Variants in DNAH12 observed in about 807,000 individuals in gnomAD.
The protein encoded by DNAH12 is axonemal beta dynein heavy chain 12.
In DNAH12, 285 loss-of-function variants were observed where a neutral mutation model predicts 371.5. That is an observed-to-expected ratio of 0.77 (90% confidence interval 0.70 to 0.85). DNAH12 has a LOEUF of 0.85. Ranked by LOEUF, DNAH12 falls within the 40% of genes least tolerant of loss-of-function variation. DNAH12 has a pLI of 0.00. For synonymous variants in DNAH12, 1,200 were observed against 1,213.0 expected (o/e 0.99, Z 0.22); for missense variants, 3,611 against 3,689.4 (o/e 0.98, Z 0.55).
intron 4 of DNAH12, among the ~76,000 whole-genome samples, chr3:57,513,950 T>C (rs2068089703): frequency 6.6e-6 from 1 of 152,188 alleles, no homozygotes; most frequent in African/African-American, 2.4e-5. Context: ...TATGAAAGCA[T>C]ACATATACAA....
chr3:57,530,012 A>G (rs1231128207), intron 2 of DNAH12, among the ~76,000 whole-genome samples: 7 of 152,176 alleles, frequency 4.6e-5, no homozygotes, highest in African/African-American at 1.7e-4. Flanking sequence ...TCAAAAGCAT[A>G]TTTTTTAATT....
intron 8 of DNAH12, 102 bp from the exon 9 acceptor site, chr3:57,504,306 ATAAT>A (rs1203768492): frequency 9.3e-7 from 1 of 1,073,506 alleles, no homozygotes; most frequent in Non-Finnish European, 1.3e-6. Context: ...ATAATTGTCT[ATAAT>A]TAAAACATCC....
chr3:57,336,451 C>T (rs1553653750), intron 60 of DNAH12, among the ~76,000 whole-genome samples: 2 of 151,834 alleles, frequency 1.3e-5, no homozygotes, highest in Non-Finnish European at 2.9e-5. Flanking sequence ...AATAAAAATA[C>T]ATAATCTGTT....
At chr3:57,424,122 C>T (rs2064682220) in intron 35 of DNAH12, among the ~76,000 whole-genome samples, 1 of 152,084 alleles carries the variant, frequency 6.6e-6, no homozygotes, top group African/African-American at 2.4e-5. Context: ...ACCTAATGTC[C>T]AAATTTGTTT....
intron 13 of DNAH12, among the ~76,000 whole-genome samples, chr3:57,482,339 C>T (rs2066772262): frequency 6.6e-6 from 1 of 152,136 alleles, no homozygotes; most frequent in Admixed American, 6.6e-5. Context: ...CATCACTGGC[C>T]ATCAAAGAAA....
chr3:57,492,821 A>G (rs1316125404), intron 11 of DNAH12, among the ~76,000 whole-genome samples: 3 of 152,122 alleles, frequency 2.0e-5, no homozygotes, highest in Non-Finnish European at 4.4e-5. Flanking sequence ...CCTGGCCAAC[A>G]TGGTGAAACC....
chr3:57,321,705 G>C (rs1018873363), intron 65 of DNAH12, among the ~76,000 whole-genome samples: 9 of 152,092 alleles, frequency 5.9e-5, no homozygotes, highest in African/African-American at 2.2e-4. Flanking sequence ...TTTGTTCACA[G>C]ATATAAGCTA....
Position 57,461,458 on chromosome 3 carries a change from G to T in DNAH12, c.2736+31C>A. The T allele has an allele frequency of 2.6e-6, 4 of 1,545,856 alleles. No homozygotes were observed. The South Asian group carries it at 4.8e-5, about 18-fold the overall frequency. On this transcript the variant is annotated intron_variant, in intron 19 of 73. Coordinates refer to ENST00000495027, the MANE Select transcript of DNAH12 (RefSeq NM_001366028.2). ...TAATAGGATTGCAATCCGTATAAAT[G>T]ACCAAGAGCTGATTATCACATTTAA...
chr3:57,551,861 CAA>C, the DNAH12 span, among the ~76,000 whole-genome samples: 1 of 148,134 alleles, frequency 6.8e-6, no homozygotes, highest in Non-Finnish European at 1.5e-5. Context: ...AAAAAGACAT[CAA>C]AGTATATAAA....
intron 38 of DNAH12, 107 bp downstream of exon 38, chr3:57,415,319 T>C: frequency 7.2e-7 from 1 of 1,396,950 alleles, no homozygotes; most frequent in Non-Finnish European, 9.5e-7. Flanking sequence ...TTGAAAGTTT[T>C]AAATTCATAG....
chr3:57,343,999 C>G (rs551831129), intron 60 of DNAH12, among the ~76,000 whole-genome samples: 26 of 152,150 alleles, frequency 1.7e-4, no homozygotes, highest in Non-Finnish European at 3.1e-4. Context: ...TCCTTCTACA[C>G]TCCTTTTTGC....
intron 25 of DNAH12, among the ~76,000 whole-genome samples, chr3:57,448,083 G>A (rs2065583642): frequency 6.6e-6 from 1 of 152,176 alleles, no homozygotes; most frequent in African/African-American, 2.4e-5. Context: ...TCACAAACAT[G>A]TTCCCTTTAT....
chr3:57,487,205 G>A (rs1001799752), intron 12 of DNAH12, among the ~76,000 whole-genome samples: 1 of 151,434 alleles, frequency 6.6e-6, no homozygotes. Context: ...GGAGGCTGAG[G>A]AGGGAGGATC....
intron 60 of DNAH12, among the ~76,000 whole-genome samples, chr3:57,346,285 A>G (rs2062540184): frequency 6.6e-6 from 1 of 152,182 alleles, no homozygotes; most frequent in African/African-American, 2.4e-5. Context: ...GAATGACCAC[A>G]GTGTTATAAG....
At chr3:57,302,555 A>ATGGTTTTTTT (rs1559535346) in intron 69 of DNAH12, among the ~76,000 whole-genome samples, 1 of 80,990 alleles carries the variant, frequency 1.2e-5, no homozygotes, top group African/African-American at 4.4e-5. Context: ...ATATATATAT[A>ATGGTTTTTTT]TATATATATG....
intron 5 of DNAH12, among the ~76,000 whole-genome samples, chr3:57,509,689 C>G (rs916752702): frequency 4.6e-5 from 7 of 151,676 alleles, no homozygotes; most frequent in Admixed American, 3.9e-4. Flanking sequence ...TGGTGAAACC[C>G]CATCTCTACT....
chr3:57,302,532 T>TATATATAC (rs2061370516), intron 69 of DNAH12, among the ~76,000 whole-genome samples: 2 of 37,862 alleles, frequency 5.3e-5, no homozygotes, highest in East Asian at 3.2e-3. Context: ...ATCAGGTGTA[T>TATATATAC]ATATATATAT....
At chr3:57,504,474 C>T (rs1290906249) in intron 8 of DNAH12, among the ~76,000 whole-genome samples, 1 of 151,976 alleles carries the variant, frequency 6.6e-6, no homozygotes, top group African/African-American at 2.4e-5. Flanking sequence ...GCAGTGGTGC[C>T]ATCATAGCTC....
chr3:57,355,495 TTTTAAC>T (rs1481957136), intron 59 of DNAH12, among the ~76,000 whole-genome samples: 1 of 152,168 alleles, frequency 6.6e-6, no homozygotes, highest in Non-Finnish European at 1.5e-5. Flanking sequence ...CTAAATTTTT[TTTTAAC>T]TTTAAGTTTT....
Sources: allele counts gnomAD v4.1 joint callset (sites outside exome capture counted in the v4.1 genomes callset), GRCh38; gene constraint gnomAD v4.1.1; transcripts MANE v1.5; gene names NCBI Gene and HGNC (gene_info 2026-07-23, HGNC 2026-07-21).